SMARCAL1: variants seen among roughly 807,000 people sequenced by gnomAD.
SMARCAL1 encodes ATP-driven annealing helicase.
A neutral mutation model predicts 94.5 loss-of-function variants in SMARCAL1; 58 were observed. The observed-to-expected ratio is 0.61, with a 90% confidence interval of 0.50 to 0.76. SMARCAL1 has a LOEUF of 0.76. SMARCAL1 is among the 30% of genes least tolerant of loss of function. The probability of loss-of-function intolerance (pLI) is 0.00; values close to 1 mark genes in which losing one functional copy is unlikely to be tolerated. For synonymous variants in SMARCAL1, 422 were observed against 455.1 expected (o/e 0.93, Z 0.93); for missense variants, 1,051 against 1,177.9 (o/e 0.89, Z 1.58).
At chr2:216,439,169 A>G (rs2106041223) in intron 10 of SMARCAL1, among the ~76,000 whole-genome samples, 1 of 152,250 alleles carries the variant, frequency 6.6e-6, no homozygotes, top group South Asian at 2.1e-4. Flanking sequence ...CTGGCTTCAC[A>G]GCAAGCAGGC....
intron 9 of SMARCAL1, among the ~76,000 whole-genome samples, chr2:216,436,317 A>T (rs1266650019): frequency 6.6e-6 from 1 of 152,146 alleles, no homozygotes; most frequent in Non-Finnish European, 1.5e-5. Flanking sequence ...TCCAGATTTG[A>T]CAACATATCT....
rs377533846 is a variant in SMARCAL1, at chr2:216,423,618, T to G, written c.1097-15T>G. 1 of 1,611,292 alleles carries G rather than the reference T, an allele frequency of 6.2e-7. No individual in the cohort carries two copies. Among genetic ancestry groups the G allele is most frequent in the African/African-American group, 1.3e-5 (1 of 74,884 alleles). ...CAGGGTGTCCTATTTGCTTATTTAT[T>G]TCTTGTCATTGCAGATGTCAAGACC... On this transcript the variant is annotated splice_polypyrimidine_tract_variant and intron_variant, in intron 5 of 17. Transcript: ENST00000357276.
chr2:216,438,241 G>A (rs887883791), intron 9 of SMARCAL1, among the ~76,000 whole-genome samples, 179 bp from the exon 10 acceptor site: 1 of 152,210 alleles, frequency 6.6e-6, no homozygotes, highest in African/African-American at 2.4e-5. Flanking sequence ...ATGCAGTAGA[G>A]AAGCTGCCAC....
intron 5 of SMARCAL1, among the ~76,000 whole-genome samples, chr2:216,423,412 G>T (rs1693766347): frequency 6.6e-6 from 1 of 152,224 alleles, no homozygotes; most frequent in Non-Finnish European, 1.5e-5. Flanking sequence ...ACAACCCAGT[G>T]TTGTCAGCAT....
chr2:216,416,178 C>T, intron 3 of SMARCAL1, 79 bp from the exon 4 acceptor site: 1 of 1,234,136 alleles, frequency 8.1e-7, no homozygotes, highest in Non-Finnish European at 1.2e-6. Context: ...GTCCTTCATT[C>T]ATTCATTTAG....
chr2:216,448,238 G>T (rs1051014126), intron 11 of SMARCAL1, among the ~76,000 whole-genome samples: 1 of 152,126 alleles, frequency 6.6e-6, no homozygotes, highest in African/African-American at 2.4e-5. Flanking sequence ...TTTCCCTGTA[G>T]ATCAATCCAG....
intron 12 of SMARCAL1, among the ~76,000 whole-genome samples, chr2:216,459,042 G>C (rs1409598851): frequency 1.5e-5 from 2 of 136,682 alleles, no homozygotes; most frequent in African/African-American, 6.1e-5. Context: ...ACCAATAACA[G>C]ACAAACAGAG....
In SMARCAL1 at chr2:216,475,991, C is replaced by G. The variant is rs760758976; in HGVS notation, c.2427+540C>G. Reference sequence around the variant, plus strand: ...TGGCACCAGGTTGCAGCCCAGGCCTCACGTTCCAGCCTGTGCCCCCTTTAG... The same window carrying G: ...TGGCACCAGGTTGCAGCCCAGGCCTGACGTTCCAGCCTGTGCCCCCTTTAG... On this transcript the variant is annotated intron_variant, in intron 15 of 17. Coordinates refer to ENST00000357276, the MANE Select transcript of SMARCAL1 (RefSeq NM_014140.4). This position sits in a 1 kb window ranked among gnomAD's most constrained non-coding sequence, Gnocchi z 4.4. 1.3e-5 allele frequency among the ~76,000 whole-genome samples: 2 copies of G among 152,056 alleles called. No individual in the cohort carries two copies. Among genetic ancestry groups the G allele is most frequent in the African/African-American group, 2.4e-5 (1 of 41,396 alleles).
chr2:216,473,568 A>C (rs1309345301), intron 14 of SMARCAL1, among the ~76,000 whole-genome samples: 2 of 152,138 alleles, frequency 1.3e-5, no homozygotes, highest in Non-Finnish European at 2.9e-5. Flanking sequence ...ACAAAGGGCC[A>C]TTAAAAATGA....
At chr2:216,439,476 G>A (rs1694152452) in intron 10 of SMARCAL1, among the ~76,000 whole-genome samples, 1 of 152,186 alleles carries the variant, frequency 6.6e-6, no homozygotes, top group African/African-American at 2.4e-5. Context: ...GCAAACCAAA[G>A]TGTGTGTTTT....
In SMARCAL1 at chr2:216,464,615, G is replaced by T; in HGVS notation, c.2089G>T (p.Ala697Ser). The change falls in exon 13 of 18, where the codon GCC (alanine) becomes TCC (serine). Residue 697 changes from alanine (A) to serine (S), a missense_variant. Physicochemically the swap from Ala to Ser is moderately conservative, Grantham distance 99. This residue lies in a region of SMARCAL1 where 642 missense variants were observed against 754.7 expected (regional missense o/e 0.85). Coordinates refer to ENST00000357276, the MANE Select transcript of SMARCAL1 (RefSeq NM_014140.4). ...KDKTKQQQKD[A>S]LILFFNRTAE... ...TCAACAGAAACAGCAGCAGAAAGAT[G>T]CCCTCATTCTCTTCTTCAACAGAAC... 3 of 1,613,152 alleles carry T rather than the reference G, an allele frequency of 1.9e-6. No homozygotes were observed. Among genetic ancestry groups the T allele is most frequent in the Non-Finnish European group, 2.5e-6 (3 of 1,179,584 alleles).
chr2:216,462,992 C>G (rs1413213053), intron 12 of SMARCAL1, among the ~76,000 whole-genome samples: 1 of 152,072 alleles, frequency 6.6e-6, no homozygotes, highest in Non-Finnish European at 1.5e-5. Flanking sequence ...AAAACAAAAA[C>G]AACCCCAAAG....
intron 6 of SMARCAL1, among the ~76,000 whole-genome samples, chr2:216,425,357 C>T (rs1000314411): frequency 5.9e-5 from 9 of 152,218 alleles, no homozygotes; most frequent in Admixed American, 2.0e-4. Flanking sequence ...CTGCCTTGGG[C>T]ACCAGCGGCT....
chr2:216,422,697 C>T (rs1339190904), intron 5 of SMARCAL1, among the ~76,000 whole-genome samples: 1 of 152,180 alleles, frequency 6.6e-6, no homozygotes, highest in Admixed American at 6.5e-5. Flanking sequence ...GACTCTGTGT[C>T]CATGATGCCT....
intron 14 of SMARCAL1, among the ~76,000 whole-genome samples, chr2:216,470,432 G>A (rs978045229): frequency 6.6e-6 from 1 of 151,844 alleles, no homozygotes; most frequent in Non-Finnish European, 1.5e-5. Flanking sequence ...TGGGATTACA[G>A]ATGTGAGCCA....
chr2:216,478,078 A>G (rs968258755), intron 16 of SMARCAL1, 125 bp from the exon 17 acceptor site: 115 of 841,254 alleles, frequency 1.4e-4, no homozygotes, highest in Non-Finnish European at 1.8e-4. Context: ...GCACCTTGAG[A>G]GATGCAGAGA....
Position 216,415,255 on chromosome 2 carries a change from C to T in SMARCAL1, c.551C>T (p.Pro184Leu), listed in dbSNP as rs761340743. The T allele has an allele frequency of 1.2e-6, 2 of 1,614,252 alleles. No homozygotes were observed. The highest frequency in any genetic ancestry group is 2.2e-5 in the South Asian group (2 of 91,088). ...QETPAHSSGQ[P>L]PRDAKLEAKT... is the part of the protein sequence containing the mutation. Reference sequence around the variant, plus strand: ...ACACCAGCTCATTCCTCTGGACAGCCTCCCAGGGATGCTAAGTTAGAGGCC... The same window carrying T: ...ACACCAGCTCATTCCTCTGGACAGCTTCCCAGGGATGCTAAGTTAGAGGCC... Residue 184 changes from proline (P) to leucine (L), a missense_variant, in exon 3 of 18, where the codon CCT becomes CTT. This residue lies in a region of SMARCAL1 where 398 missense variants were observed against 395.2 expected (regional missense o/e 1.01). Coordinates refer to ENST00000357276, the MANE Select transcript of SMARCAL1 (RefSeq NM_014140.4).
chr2:216,458,772 C>T lies in SMARCAL1; in HGVS notation c.2071-5825C>T, dbSNP rs558294346. On this transcript the variant is annotated intron_variant, in intron 12 of 17. Transcript: ENST00000357276. ...GAAGCATTCCCTTTGAAAACTGGCA[C>T]AAGACAGGGATGCCCTCTCTCACCA... is the stretch of plus-strand genomic sequence containing the variant. Among the ~76,000 whole-genome samples the T allele has an allele frequency of 2.9e-3, 438 of 152,262 alleles. 6 individuals carry two copies. Among genetic ancestry groups the T allele is most frequent in the East Asian group, 0.026 (136 of 5,184 alleles).
At chr2:216,430,664 A>G (rs1693941950) in intron 7 of SMARCAL1, among the ~76,000 whole-genome samples, 1 of 152,188 alleles carries the variant, frequency 6.6e-6, no homozygotes, top group Admixed American at 6.5e-5. Flanking sequence ...GGGAAAAAGG[A>G]GAGAATGTGA....
Sources: allele counts gnomAD v4.1 joint callset (sites outside exome capture counted in the v4.1 genomes callset), GRCh38; gene constraint gnomAD v4.1.1; regional missense constraint gnomAD v4.1.1; non-coding constraint Gnocchi (gnomAD v3.1); transcripts MANE v1.5; gene names NCBI Gene and HGNC (gene_info 2026-07-23, HGNC 2026-07-21).